Variants in TRAPPC12 observed in about 807,000 individuals in gnomAD.
The protein encoded by TRAPPC12 is trafficking protein particle complex subunit 12.
Under a neutral mutation model 69.2 loss-of-function variants are expected in TRAPPC12, and 61 were observed. That is an observed-to-expected ratio of 0.88 (90% CI 0.72 to 1.09). TRAPPC12 has a LOEUF of 1.09. Ranked by LOEUF, TRAPPC12 falls within the 50% of genes least tolerant of loss-of-function variation. TRAPPC12 has a pLI of 0.00. For synonymous variants in TRAPPC12, 469 were observed against 438.9 expected, an observed-to-expected ratio of 1.07 and a Z score of -0.86; for missense variants, 1,101 against 1,016.4, an observed-to-expected ratio of 1.08 and a Z score of -1.13.
intron 5 of TRAPPC12, among the ~76,000 whole-genome samples, chr2:3,430,441 G>A (rs564485734): frequency 1.6e-4 from 25 of 152,244 alleles, no homozygotes; most frequent in East Asian, 5.8e-4. Context: ...GATTTCTGCC[G>A]AATTATGTGT....
chr2:3,451,515 C>CT (rs1236537735), intron 6 of TRAPPC12, among the ~76,000 whole-genome samples: 17 of 151,610 alleles, frequency 1.1e-4, no homozygotes, highest in Middle Eastern at 3.4e-3. Flanking sequence ...TCAGAATTTT[C>CT]TTTTTTTTTC....
intron 8 of TRAPPC12, among the ~76,000 whole-genome samples, chr2:3,462,412 T>TATGC (rs1475410283): frequency 6.6e-6 from 1 of 152,220 alleles, no homozygotes; most frequent in Non-Finnish European, 1.5e-5. Flanking sequence ...AAGCCAAGCA[T>TATGC]ATGCACTCTC....
At chr2:3,424,061 C>G (rs572720765) in intron 4 of TRAPPC12, among the ~76,000 whole-genome samples, 1 of 152,176 alleles carries the variant, frequency 6.6e-6, no homozygotes, top group Admixed American at 6.5e-5. Flanking sequence ...CCGTTCCCGC[C>G]GTCATTCCCC....
At chr2:3,464,282 C>G in intron 8 of TRAPPC12, among the ~76,000 whole-genome samples, 1 of 152,226 alleles carries the variant, frequency 6.6e-6, no homozygotes, top group Admixed American at 6.5e-5. Flanking sequence ...CATGTGCTGT[C>G]TGGCTCGTCA....
chr2:3,479,130 GCCCCTAACACGGC>G (rs1666431039), intron 11 of TRAPPC12, 76 bp from the exon 12 acceptor site: 2 of 1,558,932 alleles, frequency 1.3e-6, no homozygotes, highest in Non-Finnish European at 1.7e-6. Flanking sequence ...CCACCCCCAG[GCCCCTAACACGGC>G]CCAGCACGCA....
At chr2:3,382,854 G>A (rs1271913824) in intron 1 of TRAPPC12, among the ~76,000 whole-genome samples, 1 of 152,226 alleles carries the variant, frequency 6.6e-6, no homozygotes, top group East Asian at 1.9e-4. Flanking sequence ...GAGCCCAGAA[G>A]ATCGAGGCTG....
chr2:3,432,252 A>C (rs116270250), intron 5 of TRAPPC12, among the ~76,000 whole-genome samples: 3,657 of 152,326 alleles, frequency 0.024, 189 homozygotes, highest in African/African-American at 0.084. Context: ...TTCAGAACTT[A>C]ATCCGTGCGG....
intron 2 of TRAPPC12, among the ~76,000 whole-genome samples, chr2:3,399,843 G>T (rs1366425577): frequency 2.9e-5 from 4 of 139,734 alleles, no homozygotes; most frequent in Non-Finnish European, 4.6e-5. Context: ...AAAAAAAAAG[G>T]GTAGGAGAAC....
At chr2:3,383,759 A>G (rs1453833781) in intron 1 of TRAPPC12, among the ~76,000 whole-genome samples, 1 of 151,862 alleles carries the variant, frequency 6.6e-6, no homozygotes, top group Non-Finnish European at 1.5e-5. Context: ...GTGGTGAGAC[A>G]AGATTCCAAG....
At chr2:3,399,205 G>T (rs774197259) in intron 2 of TRAPPC12, among the ~76,000 whole-genome samples, 1 of 152,256 alleles carries the variant, frequency 6.6e-6, no homozygotes, top group Non-Finnish European at 1.5e-5. Flanking sequence ...AAGGACAAGA[G>T]ATTTTCACAG....
intron 5 of TRAPPC12, among the ~76,000 whole-genome samples, chr2:3,425,519 G>A (rs1663052103): frequency 6.6e-6 from 1 of 152,150 alleles, no homozygotes; most frequent in Non-Finnish European, 1.5e-5. Flanking sequence ...TGCTGCCTGG[G>A]TTGTCCTAAA....
At chr2:3,397,347 A>G (rs940797551) in intron 2 of TRAPPC12, among the ~76,000 whole-genome samples, 4 of 152,238 alleles carry the variant, frequency 2.6e-5, no homozygotes, top group Non-Finnish European at 4.4e-5. Flanking sequence ...AGCACTAAAC[A>G]TGGCAGACCC....
At chr2:3,442,944 T>A (rs570560984) in intron 5 of TRAPPC12, among the ~76,000 whole-genome samples, 1 of 152,384 alleles carries the variant, frequency 6.6e-6, no homozygotes, top group South Asian at 2.1e-4. Context: ...CTATTCTTTA[T>A]CTCATTTATA....
At chr2:3,464,931 G>C (rs1411012301) in intron 8 of TRAPPC12, among the ~76,000 whole-genome samples, 4 of 152,252 alleles carry the variant, frequency 2.6e-5, no homozygotes, top group Non-Finnish European at 5.9e-5. Context: ...GAGGAATCCA[G>C]CAAAGGCCTT....
intron 5 of TRAPPC12, among the ~76,000 whole-genome samples, chr2:3,432,157 T>G (rs1268025834): frequency 6.6e-6 from 1 of 152,210 alleles, no homozygotes; most frequent in Non-Finnish European, 1.5e-5. Context: ...GTTTAAGAAG[T>G]ATAGTGCTGC....
At chr2:3,453,600 C>T (rs1470736240) in intron 6 of TRAPPC12, among the ~76,000 whole-genome samples, 1 of 152,200 alleles carries the variant, frequency 6.6e-6, no homozygotes, top group Non-Finnish European at 1.5e-5. Context: ...AGCCTCTTCC[C>T]AAACGAACCG....
At chr2:3,451,563 A>G (rs1299647829) in intron 6 of TRAPPC12, among the ~76,000 whole-genome samples, 1 of 151,728 alleles carries the variant, frequency 6.6e-6, no homozygotes, top group Non-Finnish European at 1.5e-5. Context: ...TTATTCTGTC[A>G]CCCAGACTGG....
At position 3,388,137 on chromosome 2, in the gene TRAPPC12, G is replaced by C. The variant is rs773157680; in HGVS notation, c.514G>C (p.Gly172Arg). Reference sequence around the variant, plus strand: ...CAGCCAGCGCGCGCCCCCAGCCTCCGGGGACGGCTTCGAGCCGCAGATGGT... The same window carrying C: ...CAGCCAGCGCGCGCCCCCAGCCTCCCGGGACGGCTTCGAGCCGCAGATGGT... ...IFSQRAPPAS[G>R]DGFEPQMVKS... The change falls in exon 2 of 12, where the codon GGG (glycine) becomes CGG (arginine). Residue 172 changes from glycine to arginine, a missense_variant. Physicochemically the swap from Gly to Arg is moderately radical, Grantham distance 125. Coordinates refer to ENST00000324266, the MANE Select transcript of TRAPPC12 (RefSeq NM_016030.6). 2 of 1,596,900 alleles carry C rather than the reference G, an allele frequency of 1.3e-6. No homozygotes were observed. The highest frequency in any genetic ancestry group is 1.7e-5 in the Admixed American group (1 of 58,456).
chr2:3,468,990 C>T (rs559556530), intron 9 of TRAPPC12, among the ~76,000 whole-genome samples: 7 of 152,318 alleles, frequency 4.6e-5, no homozygotes, highest in East Asian at 1.9e-4. Flanking sequence ...GAATTGACTG[C>T]GCTCTGTTTT....
Sources: allele counts gnomAD v4.1 joint callset (sites outside exome capture counted in the v4.1 genomes callset), GRCh38; gene constraint gnomAD v4.1.1; transcripts MANE v1.5; gene names NCBI Gene and HGNC (gene_info 2026-07-23, HGNC 2026-07-21).